Variants in SHISA9 observed in about 807,000 individuals in gnomAD.
The protein encoded by SHISA9 is shisa family member 9.
Under a neutral mutation model 38.0 loss-of-function variants are expected in SHISA9, and 13 were observed. The observed-to-expected ratio is 0.34, with a 90% CI of 0.22 to 0.54. The LOEUF (loss-of-function observed/expected upper bound fraction) is 0.54. SHISA9 is among the 20% of genes least tolerant of loss of function. The pLI is 0.91. For synonymous variants in SHISA9, 275 were observed against 242.0 expected (o/e 1.14, Z -1.27); for missense variants, 538 against 575.8 (o/e 0.93, Z 0.67).
At chr16:13,523,320 A>C in the SHISA9 span, among the ~76,000 whole-genome samples, 1 of 152,212 alleles carries the variant, frequency 6.6e-6, no homozygotes, top group African/African-American at 2.4e-5. Context: ...ACTGCACTGC[A>C]GCCTGGGCAA....
chr16:13,243,448 G>A (rs1017016016), downstream of SHISA9, among the ~76,000 whole-genome samples: 4 of 152,014 alleles, frequency 2.6e-5, no homozygotes, highest in Admixed American at 6.6e-5. Flanking sequence ...CAAAGTGGGG[G>A]GGCTTCCAGG....
chr16:13,505,230 A>G, the SHISA9 span, among the ~76,000 whole-genome samples: 1 of 152,226 alleles, frequency 6.6e-6, no homozygotes, highest in Non-Finnish European at 1.5e-5. Context: ...GGCAAAAGCA[A>G]TCATTAAAGT....
intron 2 of SHISA9, among the ~76,000 whole-genome samples, chr16:13,037,109 GACACACACACACACACACACAC>G (rs1207707042): frequency 1.9e-4 from 20 of 105,284 alleles, no homozygotes; most frequent in East Asian, 6.1e-4. Flanking sequence ...CACACACACA[GACACACACACACACACACACAC>G]ACACACACAC....
chr16:13,062,318 G>C (rs1018741555), intron 2 of SHISA9, among the ~76,000 whole-genome samples: 1 of 152,172 alleles, frequency 6.6e-6, no homozygotes, highest in Admixed American at 6.5e-5. Flanking sequence ...AGACAGCAGA[G>C]GTGTTCAGAT....
chr16:12,903,512 TTTTTAAA>T (rs58565862), intron 1 of SHISA9, among the ~76,000 whole-genome samples: 74,371 of 150,152 alleles, frequency 0.5, 18,545 homozygotes, highest in Non-Finnish European at 0.54. Flanking sequence ...CCTTTTGCTT[TTTTTAAA>T]TTTTTTTTAT....
the SHISA9 span, among the ~76,000 whole-genome samples, chr16:13,434,590 T>C: frequency 1.3e-5 from 2 of 151,918 alleles, no homozygotes; most frequent in Admixed American, 6.6e-5. Context: ...GCTAATTTTT[T>C]TGTATTTTTA....
chr16:13,166,991 A>T (rs572811668), intron 2 of SHISA9, among the ~76,000 whole-genome samples: 65 of 150,970 alleles, frequency 4.3e-4, no homozygotes, highest in Middle Eastern at 3.4e-3. Context: ...TTAAAAAAAA[A>T]TTTTTTAAGA....
intron 1 of SHISA9, among the ~76,000 whole-genome samples, chr16:12,908,214 C>T (rs1317900431): frequency 1.3e-5 from 2 of 152,138 alleles, no homozygotes; most frequent in South Asian, 2.1e-4. Context: ...TCATCTGGAT[C>T]TCGGTTACTA....
intron 2 of SHISA9, among the ~76,000 whole-genome samples, chr16:13,148,523 C>T (rs1361580395): frequency 6.6e-6 from 1 of 152,078 alleles, no homozygotes. Flanking sequence ...ATATCGACAC[C>T]ATCTCACCAA....
intron 2 of SHISA9, among the ~76,000 whole-genome samples, chr16:12,983,196 C>G (rs1370148743): frequency 6.6e-6 from 1 of 152,156 alleles, no homozygotes; most frequent in Non-Finnish European, 1.5e-5. Context: ...ATAATAGGCC[C>G]AGAGAGCGAA....
At chr16:13,242,893 C>T (rs552110439), downstream of SHISA9, among the ~76,000 whole-genome samples, 1 of 152,214 alleles carries the variant, frequency 6.6e-6, no homozygotes, top group South Asian at 2.1e-4. Flanking sequence ...TGAGCACTTG[C>T]CAGGTACTCG....
At chr16:13,520,770 C>T in the SHISA9 span, among the ~76,000 whole-genome samples, 11 of 151,760 alleles carry the variant, frequency 7.2e-5, no homozygotes, top group Non-Finnish European at 1.3e-4. Flanking sequence ...CACAAGAAGT[C>T]GACTAAGTGA....
chr16:12,943,047 G>A (rs1382697544), intron 2 of SHISA9, among the ~76,000 whole-genome samples: 1 of 152,024 alleles, frequency 6.6e-6, no homozygotes, highest in Non-Finnish European at 1.5e-5. Context: ...ACAGCTCCAG[G>A]CTCCAGAGAA....
the SHISA9 span, among the ~76,000 whole-genome samples, chr16:13,272,407 T>A: frequency 1.3e-5 from 2 of 152,052 alleles, no homozygotes; most frequent in African/African-American, 4.8e-5. Context: ...AATTTTTTTT[T>A]AATAGAGATG....
rs988078070 is a variant in SHISA9, at chr16:12,953,753, TAAAG to T, written c.691+36943_691+36946del. Among the ~76,000 whole-genome samples, 18 of 152,178 alleles carry T rather than the reference TAAAG, an allele frequency of 1.2e-4. 2 individuals carry two copies. The highest frequency in any genetic ancestry group is 1.1e-3 in the Admixed American group (17 of 15,266). ...ATTCTACCTGAGAGTGGGTAATTTA[TAAAG>T]AAAGGAGGTTTAATTGACTCAGTTT... On this transcript the variant is annotated intron_variant, in intron 2 of 4. Coordinates refer to ENST00000558583, the MANE Select transcript of SHISA9 (RefSeq NM_001145204.3).
chr16:13,009,285 T>C (rs955190668), intron 2 of SHISA9, among the ~76,000 whole-genome samples: 1 of 152,102 alleles, frequency 6.6e-6, no homozygotes, highest in Non-Finnish European at 1.5e-5. Context: ...AGAACCACTG[T>C]GGCTTGTAGA....
At chr16:13,102,654 T>G (rs149495346) in intron 2 of SHISA9, among the ~76,000 whole-genome samples, 1 of 152,240 alleles carries the variant, frequency 6.6e-6, no homozygotes, top group East Asian at 1.9e-4. Context: ...CCTTTTGTCC[T>G]CCCTCTAGAC....
chr16:12,946,895 G>C (rs905611025), intron 2 of SHISA9, among the ~76,000 whole-genome samples: 1 of 152,236 alleles, frequency 6.6e-6, no homozygotes, highest in African/African-American at 2.4e-5. Flanking sequence ...TGTAAATTAA[G>C]TTTTACTAGA....
intron 2 of SHISA9, among the ~76,000 whole-genome samples, chr16:13,135,231 C>A (rs960997326): frequency 6.6e-6 from 1 of 152,184 alleles, no homozygotes; most frequent in Non-Finnish European, 1.5e-5. Flanking sequence ...AATGTATCAG[C>A]AGGTATGAAA....
Sources: gnomAD v4.1 joint callset for allele counts (sites outside exome capture counted in the v4.1 genomes callset) on GRCh38, gnomAD v4.1.1 for gene constraint, MANE v1.5 for transcripts, NCBI Gene and HGNC (gene_info 2026-07-23, HGNC 2026-07-21) for gene names.